Variants in NSMCE4A observed in about 807,000 individuals in gnomAD.
NSMCE4A encodes the protein non-structural maintenance of chromosomes element 4 homolog A.
Under a neutral mutation model 47.9 loss-of-function variants are expected in NSMCE4A, and 40 were observed. The observed-to-expected ratio is 0.83, with a 90% CI of 0.65 to 1.09. The LOEUF (loss-of-function observed/expected upper bound fraction) is 1.09, where lower values mean the gene tolerates loss of function less well. Ranked by LOEUF, NSMCE4A falls within the 50% of genes least tolerant of loss-of-function variation. The pLI is 0.00. For missense variants in NSMCE4A, 500 were observed against 507.0 expected (o/e 0.99, Z 0.13); for synonymous variants, 166 against 178.5 (o/e 0.93, Z 0.56).
At chr10:121,964,227 C>G (rs1209449345) in intron 5 of NSMCE4A, among the ~76,000 whole-genome samples, 18 of 148,402 alleles carry the variant, frequency 1.2e-4, no homozygotes, top group Admixed American at 1.2e-3. Flanking sequence ...ACTGCAACCT[C>G]CGCTTCCCAG....
chr10:121,968,820 G>T (rs1446956999), intron 3 of NSMCE4A, among the ~76,000 whole-genome samples: 12 of 152,138 alleles, frequency 7.9e-5, no homozygotes, highest in Non-Finnish European at 1.6e-4. Flanking sequence ...GCTATGGCCA[G>T]CTCTTCTCCA....
intron 3 of NSMCE4A, among the ~76,000 whole-genome samples, chr10:121,970,300 G>A (rs559042576): frequency 1.3e-4 from 20 of 151,294 alleles, no homozygotes; most frequent in Non-Finnish European, 2.1e-4. Context: ...ATGAAACCCC[G>A]TCTCTACTAA....
intron 10 of NSMCE4A, among the ~76,000 whole-genome samples, chr10:121,957,617 G>C (rs1952421921): frequency 6.6e-6 from 1 of 151,618 alleles, no homozygotes; most frequent in Non-Finnish European, 1.5e-5. Context: ...TGTACTTTTA[G>C]TAGAGACGGG....
In NSMCE4A at chr10:121,975,076, C is replaced by G. The variant is rs1952792442; in HGVS notation, c.90G>C (p.Ser30=). ...GGGACCTGGGCGACAAAGGGGACCGCGAGCGGGAGCGGGAGCGGGTGCGAT... is the reference window on the plus strand; with the variant it reads ...GGGACCTGGGCGACAAAGGGGACCGGGAGCGGGAGCGGGAGCGGGTGCGAT... ...HRDRTRSRSR[S]RSPLSPRSRR... Residue 30 remains serine (S), a synonymous_variant, in exon 1 of 11, where the codon TCG becomes TCC. Coordinates refer to ENST00000369023, the MANE Select transcript of NSMCE4A (RefSeq NM_017615.3). The G allele has an allele frequency of 1.4e-6, 2 of 1,445,876 alleles. No homozygotes were observed. The highest frequency in any genetic ancestry group is 3.1e-5 in the Admixed American group (1 of 32,696). 89.6% of individuals were successfully genotyped at this position (1,445,876 alleles called of 1,614,324 possible).
chr10:121,962,112 A>T, intron 6 of NSMCE4A: 1 of 173,074 alleles, frequency 5.8e-6, no homozygotes, highest in Non-Finnish European at 1.2e-5. Flanking sequence ...TGTCTCCTAA[A>T]AAAAAAAAAA....
rs573706496 is a variant in NSMCE4A at position 121,975,076 on chromosome 10, C to CGAGCGGGAGCGG, written c.78_89dup (p.Arg29_Ser32dup). ...GGGACCTGGGCGACAAAGGGGACCG[C>CGAGCGGGAGCGG]GAGCGGGAGCGGGAGCGGGTGCGAT... On this transcript the variant is annotated inframe_insertion, in exon 1 of 11. Coordinates refer to ENST00000369023, the MANE Select transcript of NSMCE4A (RefSeq NM_017615.3). 2 of 1,445,876 alleles carry CGAGCGGGAGCGG rather than the reference C, an allele frequency of 1.4e-6. No individual in the cohort carries two copies. Among genetic ancestry groups the CGAGCGGGAGCGG allele is most frequent in the Non-Finnish European group, 1.8e-6 (2 of 1,109,710 alleles). 89.6% of individuals were successfully genotyped at this position (1,445,876 alleles called of 1,614,324 possible). A position where few individuals can be genotyped will look rare whatever the true frequency, so the allele number is the denominator to read the frequency against.
At position 121,957,169 on chromosome 10, in the gene NSMCE4A, C is replaced by T. The variant is rs543942438; in HGVS notation, c.*103G>A. On this transcript the variant is annotated 3_prime_UTR_variant, in exon 11 of 11. Transcript: ENST00000369023. ...ATTAACTATCAAAAGCTACATTTTA[C>T]TAAAAACAATCTGCCTTTAAAAATG... The T allele has an allele frequency of 1.3e-5, 2 of 152,678 alleles. No individual in the cohort carries two copies. The highest frequency in any genetic ancestry group is 3.9e-4 in the East Asian group (2 of 5,186). The allele number at this position is 152,678 out of a possible 1,614,324, so 9.5% of individuals were successfully genotyped here.
At chr10:121,971,289 T>C (rs1177687734) in intron 2 of NSMCE4A, among the ~76,000 whole-genome samples, 1 of 151,988 alleles carries the variant, frequency 6.6e-6, no homozygotes, top group Non-Finnish European at 1.5e-5. Context: ...GGCGGGCGGA[T>C]CACGAGGTCA....
At chr10:121,971,517 C>CAAA (rs1457352367) in intron 2 of NSMCE4A, among the ~76,000 whole-genome samples, 1 of 151,664 alleles carries the variant, frequency 6.6e-6, no homozygotes, top group Non-Finnish European at 1.5e-5. Flanking sequence ...AAAACAAAAA[C>CAAA]AAAAACAAAA....
intron 3 of NSMCE4A, 32 bp downstream of exon 3, chr10:121,970,907 T>C (rs769704950): frequency 1.3e-6 from 2 of 1,560,538 alleles, no homozygotes; most frequent in East Asian, 4.5e-5. Context: ...AACAGAACAT[T>C]TTTTATTCAG....
intron 2 of NSMCE4A, among the ~76,000 whole-genome samples, chr10:121,971,864 T>C (rs1255325963): frequency 6.6e-6 from 1 of 152,190 alleles, no homozygotes; most frequent in Non-Finnish European, 1.5e-5. Context: ...AGGCTGGCAC[T>C]AGGAGGCTCA....
At chr10:121,959,456 G>C in intron 9 of NSMCE4A, 45 bp downstream of exon 9, 1 of 1,609,764 alleles carries the variant, frequency 6.2e-7, no homozygotes, top group Non-Finnish European at 8.5e-7. Context: ...TACTGCAAGT[G>C]AAGGCAGAGT....
chr10:121,972,249 G>C (rs180929095), intron 2 of NSMCE4A, among the ~76,000 whole-genome samples: 43 of 152,252 alleles, frequency 2.8e-4, no homozygotes, highest in African/African-American at 8.7e-4. Context: ...TTTAACCTGG[G>C]GGGGGCAGAG....
At chr10:121,967,438 T>C in intron 4 of NSMCE4A, 1 of 513,258 alleles carries the variant, frequency 1.9e-6, no homozygotes, top group South Asian at 2.6e-5. Context: ...GCTCAGATGA[T>C]CTACCTGCAT....
intron 2 of NSMCE4A, among the ~76,000 whole-genome samples, chr10:121,972,253 G>C (rs911892200): frequency 3.3e-5 from 5 of 152,108 alleles, no homozygotes; most frequent in African/African-American, 4.8e-5. Flanking sequence ...ACCTGGGGGG[G>C]GCAGAGGTTG....
chr10:121,968,509 G>C (rs1952647512), intron 3 of NSMCE4A, among the ~76,000 whole-genome samples: 1 of 152,090 alleles, frequency 6.6e-6, no homozygotes, highest in Admixed American at 6.6e-5. Context: ...AGTATATCCA[G>C]AGAGCAGTGG....
intron 1 of NSMCE4A, chr10:121,974,495 CGCTGCA>C (rs55847664): frequency 0.35 from 346,131 of 1,002,332 alleles, 63,567 homozygotes; most frequent in Non-Finnish European, 0.38. Context: ...TCTCGCGTGC[CGCTGCA>C]GCTGCAGCTG....
chr10:121,970,829 C>T (rs2134779090), intron 3 of NSMCE4A, 110 bp downstream of exon 3: 2 of 1,005,692 alleles, frequency 2.0e-6, no homozygotes, highest in South Asian at 4.4e-5. Context: ...GAATCTGAGA[C>T]CAAAAAAGAA....
chr10:121,961,965 A>G, intron 6 of NSMCE4A: 1 of 252,448 alleles, frequency 4.0e-6, no homozygotes, highest in Non-Finnish European at 7.9e-6. Flanking sequence ...AAAATTAGCC[A>G]GATGTGGTGG....
Sources: gnomAD v4.1 joint callset for allele counts (sites outside exome capture counted in the v4.1 genomes callset) on GRCh38, gnomAD v4.1.1 for gene constraint, MANE v1.5 for transcripts, NCBI Gene and HGNC (gene_info 2026-07-23, HGNC 2026-07-21) for gene names.